The following CMSS1 variants were observed in gnomAD, a reference collection of about 807,000 sequenced individuals.
CMSS1 encodes cms1 ribosomal small subunit homolog.
CMSS1 carries 33 observed loss-of-function variants against 43.5 expected under a neutral mutation model. The ratio of observed to expected loss-of-function variants is 0.76; its 90% confidence interval spans 0.57 to 1.01. CMSS1 has a LOEUF of 1.01. CMSS1 is among the 50% of genes least tolerant of loss of function. The probability of loss-of-function intolerance (pLI) is 0.00; values close to 1 mark genes in which losing one functional copy is unlikely to be tolerated. For synonymous variants in CMSS1, 115 were observed against 117.2 expected (o/e 0.98, Z 0.12); for missense variants, 313 against 326.4 (o/e 0.96, Z 0.32).
chr3:99,871,114 G>C (rs1372719814), intron 1 of CMSS1, among the ~76,000 whole-genome samples: 1 of 152,204 alleles, frequency 6.6e-6, no homozygotes, highest in East Asian at 1.9e-4. Context: ...ATACAAAGCA[G>C]ATTTCACTGC....
intron 1 of CMSS1, among the ~76,000 whole-genome samples, chr3:99,928,631 T>C (rs1707374102): frequency 6.6e-6 from 1 of 152,352 alleles, no homozygotes; most frequent in South Asian, 2.1e-4. Context: ...AACATAAGTT[T>C]GGAATCATCC....
rs964677661 is a variant in CMSS1, at chr3:99,983,172, G to A, written c.65-163801G>A. On this transcript the variant is annotated intron_variant, in intron 1 of 9. Coordinates refer to ENST00000421999, the MANE Select transcript of CMSS1 (RefSeq NM_032359.4). ...GCCATTTGAAAAAAAATTTCTCAGG[G>A]ATATTGTTATCTAACTTCTTTGAAT... Among the ~76,000 whole-genome samples, 13 of 151,548 alleles carry A rather than the reference G, an allele frequency of 8.6e-5. No individual in the cohort carries two copies. In the South Asian group the frequency reaches 2.1e-3, roughly 24 times the overall value.
At chr3:99,927,015 T>C (rs1707314190) in intron 1 of CMSS1, among the ~76,000 whole-genome samples, 3 of 152,194 alleles carry the variant, frequency 2.0e-5, no homozygotes, top group African/African-American at 2.4e-5. Context: ...CCCTTCACCA[T>C]CTGAACCTCC....
At chr3:99,952,179 G>A (rs916057890) in intron 1 of CMSS1, among the ~76,000 whole-genome samples, 3 of 150,028 alleles carry the variant, frequency 2.0e-5, no homozygotes, top group Non-Finnish European at 4.4e-5. Context: ...TTTTTTTTTC[G>A]TTGACTTAAT....
intron 1 of CMSS1, among the ~76,000 whole-genome samples, chr3:99,908,874 G>A (rs1038201849): frequency 6.6e-6 from 1 of 150,802 alleles, no homozygotes; most frequent in South Asian, 2.1e-4. Flanking sequence ...AATTCCTATT[G>A]TGTGTGTGTG....
At chr3:99,928,324 G>C (rs1176722695) in intron 1 of CMSS1, among the ~76,000 whole-genome samples, 1 of 152,166 alleles carries the variant, frequency 6.6e-6, no homozygotes, top group Non-Finnish European at 1.5e-5. Context: ...TTTTGGCTTC[G>C]AGGAATTGCA....
intron 1 of CMSS1, among the ~76,000 whole-genome samples, chr3:99,933,996 A>C (rs887316245): frequency 3.9e-5 from 6 of 152,198 alleles, no homozygotes; most frequent in Non-Finnish European, 8.8e-5. Flanking sequence ...TGGATGGTCT[A>C]AGACGGGCTC....
At chr3:100,113,040 T>G (rs2066516479) in intron 1 of CMSS1, among the ~76,000 whole-genome samples, 1 of 152,214 alleles carries the variant, frequency 6.6e-6, no homozygotes, top group South Asian at 2.1e-4. Context: ...TTTATGCATA[T>G]CTAATACACA....
chr3:99,953,166 A>G (rs968591932), intron 1 of CMSS1, among the ~76,000 whole-genome samples: 1 of 152,206 alleles, frequency 6.6e-6, no homozygotes, highest in South Asian at 2.1e-4. Flanking sequence ...AAATAATATT[A>G]TCTTTTTGTA....
intron 1 of CMSS1, among the ~76,000 whole-genome samples, chr3:99,861,804 G>A (rs558138778): frequency 1.3e-5 from 2 of 152,158 alleles, no homozygotes; most frequent in Admixed American, 6.6e-5. Context: ...AGTGCAGAGC[G>A]AGAAATTCAG....
intron 1 of CMSS1, among the ~76,000 whole-genome samples, chr3:99,888,077 A>G (rs983395402): frequency 6.6e-6 from 1 of 152,196 alleles, no homozygotes; most frequent in Non-Finnish European, 1.5e-5. Context: ...CTTAGGTACT[A>G]TCTTCGGACA....
chr3:99,984,376 C>T (rs918357108), intron 1 of CMSS1, among the ~76,000 whole-genome samples: 5 of 152,170 alleles, frequency 3.3e-5, no homozygotes, highest in Non-Finnish European at 7.3e-5. Flanking sequence ...CCATTTATTA[C>T]TGATAGATAA....
chr3:99,985,855 C>G (rs554972635), intron 1 of CMSS1, among the ~76,000 whole-genome samples: 1 of 152,110 alleles, frequency 6.6e-6, no homozygotes, highest in Non-Finnish European at 1.5e-5. Flanking sequence ...TCCCAAAGTA[C>G]TGGGATTACA....
At chr3:99,991,466 A>G (rs1709507691) in intron 1 of CMSS1, among the ~76,000 whole-genome samples, 1 of 152,084 alleles carries the variant, frequency 6.6e-6, no homozygotes, top group South Asian at 2.1e-4. Flanking sequence ...TTTTATGTTT[A>G]TATATTTAGG....
intron 1 of CMSS1, among the ~76,000 whole-genome samples, chr3:99,963,236 T>A (rs1419512504): frequency 6.6e-6 from 1 of 152,184 alleles, no homozygotes; most frequent in African/African-American, 2.4e-5. Context: ...CCCAGAATAG[T>A]GTGTGGTTTT....
chr3:99,981,224 C>G (rs1445928798), intron 1 of CMSS1, among the ~76,000 whole-genome samples: 1 of 152,162 alleles, frequency 6.6e-6, no homozygotes, highest in Non-Finnish European at 1.5e-5. Flanking sequence ...CAACTTTTAA[C>G]TGTGGTGCTT....
chr3:100,091,431 G>A (rs958938959), intron 1 of CMSS1, among the ~76,000 whole-genome samples: 13 of 152,126 alleles, frequency 8.5e-5, no homozygotes, highest in African/African-American at 3.1e-4. Flanking sequence ...CTCATGTTTT[G>A]TAAGGGAAGA....
chr3:100,101,077 G>A (rs1292724606), intron 1 of CMSS1, among the ~76,000 whole-genome samples: 3 of 152,158 alleles, frequency 2.0e-5, no homozygotes, highest in Non-Finnish European at 2.9e-5. Flanking sequence ...GTACCTGGGG[G>A]CCTCTGGAGC....
chr3:99,924,557 T>C (rs1707229570), intron 1 of CMSS1: 1 of 783,074 alleles, frequency 1.3e-6, no homozygotes, highest in South Asian at 1.7e-5. Context: ...TCGCTGTCGT[T>C]GCCCAGGCTG....
Sources: allele counts gnomAD v4.1 joint callset (sites outside exome capture counted in the v4.1 genomes callset), GRCh38; gene constraint gnomAD v4.1.1; transcripts MANE v1.5; gene names NCBI Gene and HGNC (gene_info 2026-07-23, HGNC 2026-07-21).